Variants in KAT2B observed in about 807,000 individuals in gnomAD.
KAT2B encodes histone acetyltransferase KAT2B.
Under a neutral mutation model 105.9 loss-of-function variants are expected in KAT2B, and 36 were observed. The ratio of observed to expected loss-of-function variants is 0.34; its 90% CI spans 0.26 to 0.45. KAT2B has a LOEUF of 0.45. Ranked by LOEUF, KAT2B falls within the 20% of genes least tolerant of loss-of-function variation. The pLI is 1.00. For missense variants in KAT2B, 820 were observed against 1,021.6 expected, an observed-to-expected ratio of 0.80 and a Z score of 2.69; for synonymous variants, 397 against 377.9, an observed-to-expected ratio of 1.05 and a Z score of -0.59.
chr3:20,126,383 A>G (rs1699404201), intron 10 of KAT2B, among the ~76,000 whole-genome samples: 1 of 152,130 alleles, frequency 6.6e-6, no homozygotes, highest in African/African-American at 2.4e-5. Flanking sequence ...GCAGTGAGAG[A>G]ATGTAACACT....
intron 14 of KAT2B, among the ~76,000 whole-genome samples, chr3:20,146,833 T>A (rs564455847): frequency 6.6e-6 from 1 of 152,348 alleles, no homozygotes; most frequent in Admixed American, 6.5e-5. Context: ...AGCAGCCCAG[T>A]TCTGATGGCC....
At chr3:20,047,278 A>G (rs1044366824) in intron 1 of KAT2B, among the ~76,000 whole-genome samples, 1 of 152,070 alleles carries the variant, frequency 6.6e-6, no homozygotes, top group African/African-American at 2.4e-5. Context: ...CGCCATGTTT[A>G]ACAGGCTGGT....
At chr3:20,047,008 G>C (rs1291853577) in intron 1 of KAT2B, among the ~76,000 whole-genome samples, 1 of 152,002 alleles carries the variant, frequency 6.6e-6, no homozygotes, top group East Asian at 1.9e-4. Flanking sequence ...CAGAAGTTGA[G>C]AAAGCCTGTT....
chr3:20,077,457 T>TA lies in KAT2B; in HGVS notation c.430+4999dup, dbSNP rs1157793511. Among the ~76,000 whole-genome samples the TA allele has an allele frequency of 3.5e-4, 53 of 152,340 alleles. 2 individuals carry two copies. Among genetic ancestry groups the TA allele is most frequent in the African/African-American group, 1.2e-3 (49 of 41,582 alleles). On this transcript the variant is annotated intron_variant, in intron 2 of 17. Transcript: ENST00000263754. ...CAGAATGAAATGGTTGGTCTAGACC[T>TA]ATGCTGTACAATACGGTAGCCACTG...
At chr3:20,045,317 C>T (rs1326157317) in intron 1 of KAT2B, among the ~76,000 whole-genome samples, 1 of 137,988 alleles carries the variant, frequency 7.2e-6, no homozygotes, top group African/African-American at 2.7e-5. Context: ...TGCACCTGGC[C>T]TATTTATTTA....
At chr3:20,130,629 A>C (rs1418972915) in intron 11 of KAT2B, among the ~76,000 whole-genome samples, 1 of 152,188 alleles carries the variant, frequency 6.6e-6, no homozygotes, top group Non-Finnish European at 1.5e-5. Flanking sequence ...AACTGAAGGT[A>C]TTTAATACGA....
chr3:20,106,504 C>G (rs1159308804), intron 5 of KAT2B, among the ~76,000 whole-genome samples: 1 of 152,064 alleles, frequency 6.6e-6, no homozygotes, highest in Non-Finnish European at 1.5e-5. Flanking sequence ...GACTCAGCCT[C>G]ATTGTCTTAA....
chr3:20,092,085 C>A (rs961091008), intron 2 of KAT2B, among the ~76,000 whole-genome samples: 2 of 152,026 alleles, frequency 1.3e-5, no homozygotes, highest in African/African-American at 4.8e-5. Flanking sequence ...CTGTTAGGTC[C>A]ATTTTCTTTA....
chr3:20,077,067 C>T (rs1698432865), intron 2 of KAT2B, among the ~76,000 whole-genome samples: 1 of 152,088 alleles, frequency 6.6e-6, no homozygotes, highest in Non-Finnish European at 1.5e-5. Flanking sequence ...TCTTTCATCC[C>T]AGACATCTTT....
At chr3:20,081,157 A>G (rs1010735241) in intron 2 of KAT2B, among the ~76,000 whole-genome samples, 9 of 152,222 alleles carry the variant, frequency 5.9e-5, no homozygotes, top group Non-Finnish European at 1.3e-4. Flanking sequence ...TGAACAAAAA[A>G]TGTATTTGAG....
chr3:20,075,911 A>G (rs1279881997), intron 2 of KAT2B, among the ~76,000 whole-genome samples: 1 of 151,472 alleles, frequency 6.6e-6, no homozygotes, highest in African/African-American at 2.4e-5. Context: ...CCATCTCAAA[A>G]AAAAAAAAAA....
intron 1 of KAT2B, among the ~76,000 whole-genome samples, chr3:20,062,261 T>A (rs1489364784): frequency 2.2e-4 from 13 of 59,294 alleles, no homozygotes; most frequent in Non-Finnish European, 4.6e-4. Context: ...TAAAATATGA[T>A]ATATAATATA....
rs992916749 is a variant in KAT2B at position 20,148,731 on chromosome 3, T to A, written c.2305+244T>A. ...GCTTAACGACACTAGACGCAGAAAA[T>A]CCACGGTAACTGCAGACAGCACTAG... On this transcript the variant is annotated intron_variant, in intron 17 of 17. Transcript: ENST00000263754. The A allele has an allele frequency of 1.5e-5, 6 of 400,690 alleles. No homozygotes were observed. The Admixed American group carries it at 2.4e-4, about 16-fold the overall frequency. 24.8% of individuals were successfully genotyped at this position (400,690 alleles called of 1,614,324 possible).
At chr3:20,130,670 A>G (rs1699493163) in intron 11 of KAT2B, among the ~76,000 whole-genome samples, 1 of 152,160 alleles carries the variant, frequency 6.6e-6, no homozygotes, top group Non-Finnish European at 1.5e-5. Context: ...ACTTCCCAGA[A>G]AGGCAATTCC....
intron 1 of KAT2B, among the ~76,000 whole-genome samples, chr3:20,064,181 A>G (rs12636078): frequency 0.58 from 87,956 of 152,018 alleles, 26,588 homozygotes; most frequent in Non-Finnish European, 0.68. Context: ...TGTTATTGTC[A>G]GCTCCTTTTG....
intron 1 of KAT2B, among the ~76,000 whole-genome samples, chr3:20,050,705 C>CTTT (rs769997231): frequency 2.1e-5 from 3 of 142,436 alleles, no homozygotes; most frequent in African/African-American, 5.2e-5. Flanking sequence ...TGGGATGAAT[C>CTTT]TTTTTTTTTT....
chr3:20,123,024 C>A, intron 9 of KAT2B: 1 of 879,870 alleles, frequency 1.1e-6, no homozygotes, highest in Non-Finnish European at 1.4e-6. Context: ...CTAATAATCT[C>A]ACAGTTGAAG....
chr3:20,075,708 G>C (rs1272414368), intron 2 of KAT2B, among the ~76,000 whole-genome samples: 1 of 152,098 alleles, frequency 6.6e-6, no homozygotes, highest in Non-Finnish European at 1.5e-5. Flanking sequence ...TTTGGGGAAG[G>C]GGAGTGAAGC....
At chr3:20,051,704 C>G (rs915122101) in intron 1 of KAT2B, among the ~76,000 whole-genome samples, 3 of 152,186 alleles carry the variant, frequency 2.0e-5, no homozygotes, top group African/African-American at 7.2e-5. Flanking sequence ...GCAAAGATTA[C>G]TCTACAGCTC....
Sources: gnomAD v4.1 joint callset for allele counts (sites outside exome capture counted in the v4.1 genomes callset) on GRCh38, gnomAD v4.1.1 for gene constraint, MANE v1.5 for transcripts, NCBI Gene and HGNC (gene_info 2026-07-23, HGNC 2026-07-21) for gene names.